The following ZRANB2 variants were observed in gnomAD, a reference collection of about 807,000 sequenced individuals.
ZRANB2 encodes the protein zinc finger RANBP2-type containing 2, also known as zinc finger Ran-binding domain-containing protein 2.
Under a neutral mutation model 53.4 loss-of-function variants are expected in ZRANB2, and 19 were observed. That is an observed-to-expected ratio of 0.36 (90% CI 0.25 to 0.52). The LOEUF is 0.52. Ranked by LOEUF, ZRANB2 falls within the 20% of genes least tolerant of loss-of-function variation. The pLI, the probability that ZRANB2 is intolerant of heterozygous loss-of-function variation, is 0.93. For synonymous variants in ZRANB2, 145 were observed against 134.8 expected, an observed-to-expected ratio of 1.08 and a Z score of -0.52; for missense variants, 309 against 401.1, an observed-to-expected ratio of 0.77 and a Z score of 1.96.
intron 1 of ZRANB2, among the ~76,000 whole-genome samples, chr1:71,080,404 G>C (rs1373974761): frequency 6.6e-6 from 1 of 152,092 alleles, no homozygotes; most frequent in African/African-American, 2.4e-5. Context: ...GATCCACAAA[G>C]AAAATGTCAG....
At chr1:71,080,121 A>G (rs1299374034) in intron 1 of ZRANB2, among the ~76,000 whole-genome samples, 3 of 152,192 alleles carry the variant, frequency 2.0e-5, no homozygotes, top group African/African-American at 7.2e-5. Context: ...CTTAGGTACA[A>G]CAAATAAAAG....
intron 9 of ZRANB2, chr1:71,065,682 G>A: frequency 6.2e-7 from 1 of 1,610,620 alleles, no homozygotes; most frequent in Non-Finnish European, 8.5e-7. Context: ...ATCAACCTGG[G>A]TAAAGTAGTG....
intron 6 of ZRANB2, among the ~76,000 whole-genome samples, chr1:71,071,274 G>A (rs74090249): frequency 0.011 from 1,726 of 152,078 alleles, 38 homozygotes; most frequent in African/African-American, 0.039. Context: ...CTCCTTAAAA[G>A]TCCTTGAAAT....
In ZRANB2 at chr1:71,070,934, A is replaced by C; in HGVS notation, c.576T>G (p.Asp192Glu). Residue 192 changes from aspartate to glutamate, a missense_variant, in exon 7 of 10, where the codon GAT (aspartate) becomes GAG (glutamate). Asp to Glu is a conservative substitution (Grantham distance 45). Coordinates refer to ENST00000370920, the MANE Select transcript of ZRANB2 (RefSeq NM_203350.3). ...GTCTATTAGATTTCTTTTTATTACT[A>C]TCTTCTTCTTCACTGGCATCAAGAT... Reference protein sequence around the residue: ...KYNLDASEEEDSNKKKSNRRS... With the variant: ...KYNLDASEEEESNKKKSNRRS... 1 of 1,611,332 alleles carries C rather than the reference A, an allele frequency of 6.2e-7. No individual in the cohort carries two copies.
Position 71,064,662 on chromosome 1 carries a change from T to G in ZRANB2, c.*412A>C, listed in dbSNP as rs1372277824. The G allele has an allele frequency of 6.5e-6, 1 of 154,236 alleles. No homozygotes were observed. The highest frequency in any genetic ancestry group is 1.9e-4 in the East Asian group (1 of 5,238). 9.6% of individuals were successfully genotyped at this position (154,236 alleles called of 1,614,324 possible). ...TGTTAACAGCATAAAAAGGCTGACT[T>G]TCTTTTCCATAAGTATGTTGTTTCC... On this transcript the variant is annotated 3_prime_UTR_variant, in exon 10 of 10. Coordinates refer to ENST00000370920, the MANE Select transcript of ZRANB2 (RefSeq NM_203350.3).
intron 4 of ZRANB2, among the ~76,000 whole-genome samples, chr1:71,075,311 A>G (rs1661684438): frequency 6.6e-6 from 1 of 152,162 alleles, no homozygotes; most frequent in Admixed American, 6.6e-5. Flanking sequence ...TTAGGCTAAG[A>G]AGGACATCTA....
chr1:71,078,755 T>C (rs764661532), intron 1 of ZRANB2, 47 bp from the exon 2 acceptor site: 90 of 1,519,536 alleles, frequency 5.9e-5, no homozygotes, highest in Non-Finnish European at 7.8e-5. Context: ...ATTTGTAAAA[T>C]TTTACATTTT....
intron 4 of ZRANB2, among the ~76,000 whole-genome samples, chr1:71,074,679 C>T (rs1374124309): frequency 6.6e-6 from 1 of 151,024 alleles, no homozygotes; most frequent in African/African-American, 2.4e-5. Context: ...AAAAAGCTGA[C>T]AAAAACAAAA....
chr1:71,075,524 T>C (rs912872500), intron 4 of ZRANB2, among the ~76,000 whole-genome samples: 4 of 152,090 alleles, frequency 2.6e-5, no homozygotes, highest in Non-Finnish European at 4.4e-5. Context: ...TGGGTTATCA[T>C]GGCAAAGTTA....
intron 8 of ZRANB2, 152 bp downstream of exon 8, chr1:71,069,124 A>G (rs1661537488): frequency 1.8e-6 from 1 of 559,442 alleles, no homozygotes; most frequent in Admixed American, 3.6e-5. Context: ...TTTCATGGTG[A>G]GAAAATTAAG....
At chr1:71,067,757 A>T (rs1661483518) in intron 8 of ZRANB2, 1 of 388,582 alleles carries the variant, frequency 2.6e-6, no homozygotes, top group Non-Finnish European at 5.0e-6. Flanking sequence ...GTGTTCTGTA[A>T]ACCTTAATTA....
At position 71,070,890 on chromosome 1, in the gene ZRANB2, C is replaced by T. The variant is rs751304480; in HGVS notation, c.620G>A (p.Arg207Gln). 1.2e-5 allele frequency: 20 copies of T among 1,611,038 alleles called. No individual in the cohort carries two copies. Among genetic ancestry groups the T allele is most frequent in the Admixed American group, 6.7e-5 (4 of 59,582 alleles). Residue 207 changes from arginine to glutamine, a missense_variant, in exon 7 of 10, where the codon CGA becomes CAA. Physicochemically the swap from Arg to Gln is conservative, Grantham distance 43 (BLOSUM62 1). Transcript: ENST00000370920. ...TGATGAAGATCGTGAATGTGAAGAT[C>T]GAGACTTTGAGCGACTTCGTCTATT... is the stretch of plus-strand genomic sequence containing the variant. ...KSNRRSRSKS[R>Q]SSHSRSSSRS...
At chr1:71,065,330 A>T (rs1661399905) in intron 9 of ZRANB2, among the ~76,000 whole-genome samples, 193 bp from the exon 10 acceptor site, 1 of 152,110 alleles carries the variant, frequency 6.6e-6, no homozygotes, top group Non-Finnish European at 1.5e-5. Flanking sequence ...GTTATCATAT[A>T]AATACAATAA....
chr1:71,080,127 A>G (rs1444436492), intron 1 of ZRANB2, among the ~76,000 whole-genome samples: 1 of 152,242 alleles, frequency 6.6e-6, no homozygotes, highest in Non-Finnish European at 1.5e-5. Context: ...TACAACAAAT[A>G]AAAGGCTTTT....
chr1:71,069,875 T>G (rs1386153616), intron 7 of ZRANB2, among the ~76,000 whole-genome samples: 2 of 152,158 alleles, frequency 1.3e-5, no homozygotes, highest in African/African-American at 4.8e-5. Context: ...CATTGTTAGG[T>G]AATTATATTA....
intron 4 of ZRANB2, among the ~76,000 whole-genome samples, 154 bp from the exon 5 acceptor site, chr1:71,072,702 T>C (rs573530902): frequency 6.6e-6 from 1 of 152,230 alleles, no homozygotes; most frequent in Non-Finnish European, 1.5e-5. Flanking sequence ...ATATTAGAAA[T>C]CACCACAGAA....
At chr1:71,080,832 A>C in intron 1 of ZRANB2, 108 bp downstream of exon 1, 2 of 1,346,772 alleles carry the variant, frequency 1.5e-6, no homozygotes, top group Non-Finnish European at 1.1e-6. Flanking sequence ...TCGCCGCCTC[A>C]ACCCGTCTTA....
chr1:71,066,813 G>A lies in ZRANB2; in HGVS notation c.892C>T (p.Arg298Cys), dbSNP rs141936453. ...CGTGATCTTGTTCGTCTTTTTTTGCGATCACCAGATGAAGAAGATCTAGAA... is the reference window on the plus strand; with the variant it reads ...CGTGATCTTGTTCGTCTTTTTTTGCAATCACCAGATGAAGAAGATCTAGAA... ...SRSRSSSSGD[R>C]KKRRTRSRSP... Residue 298 changes from arginine to cysteine, a missense_variant, in exon 9 of 10, where the codon CGC (arginine) becomes TGC (cysteine). Coordinates refer to ENST00000370920, the MANE Select transcript of ZRANB2 (RefSeq NM_203350.3). 118 of 1,611,058 alleles carry A rather than the reference G, an allele frequency of 7.3e-5. No individual in the cohort carries two copies. The highest frequency in any genetic ancestry group is 9.8e-5 in the Non-Finnish European group (115 of 1,179,050).
In ZRANB2 at chr1:71,072,525, T is replaced by G. The variant is rs772400061; in HGVS notation, c.325A>C (p.Arg109=). The G allele has an allele frequency of 5.6e-6, 9 of 1,607,564 alleles. No homozygotes were observed. The highest frequency in any genetic ancestry group is 1.7e-5 in the Admixed American group (1 of 59,650). The part of the protein sequence containing the change: ...RTGYGGGFNE[R]ENVEYIEREE... ...CTTTCTATATATTCAACATTTTCTC[T>G]TTCATTAAAACCACCACCATATCCT... Residue 109 remains arginine (R), a synonymous_variant, in exon 5 of 10, where the codon AGA becomes CGA. Coordinates refer to ENST00000370920, the MANE Select transcript of ZRANB2 (RefSeq NM_203350.3).
Sources: gnomAD v4.1 joint callset for allele counts (sites outside exome capture counted in the v4.1 genomes callset) on GRCh38, gnomAD v4.1.1 for gene constraint, MANE v1.5 for transcripts, NCBI Gene and HGNC (gene_info 2026-07-23, HGNC 2026-07-21) for gene names.